Variants in CDK14 observed in about 807,000 individuals in gnomAD.
CDK14 encodes cyclin-dependent kinase 14.
Under a neutral mutation model 60.7 loss-of-function variants are expected in CDK14, and 34 were observed. That is an observed-to-expected ratio of 0.56 (90% CI 0.43 to 0.75). The LOEUF (loss-of-function observed/expected upper bound fraction) is 0.75. Ranked by LOEUF, CDK14 falls within the 30% of genes least tolerant of loss-of-function variation. The pLI, the probability that CDK14 is intolerant of heterozygous loss-of-function variation, is 0.00. For missense variants in CDK14, 482 were observed against 564.1 expected, an observed-to-expected ratio of 0.85 and a Z score of 1.47; for synonymous variants, 197 against 203.7, an observed-to-expected ratio of 0.97 and a Z score of 0.28.
At chr7:90,785,348 G>A (rs1463727623) in intron 4 of CDK14, among the ~76,000 whole-genome samples, 3 of 152,258 alleles carry the variant, frequency 2.0e-5, no homozygotes, top group Admixed American at 6.5e-5. Context: ...TGGAATAGAA[G>A]ACCTTTAGGC....
chr7:91,133,969 G>A (rs142156501), intron 14 of CDK14, among the ~76,000 whole-genome samples: 170 of 152,238 alleles, frequency 1.1e-3, no homozygotes, highest in Non-Finnish European at 2.0e-3. Flanking sequence ...AGAAATAGCA[G>A]TATCCAGATG....
intron 2 of CDK14, among the ~76,000 whole-genome samples, chr7:90,660,601 C>T (rs1800848573): frequency 6.6e-6 from 1 of 152,152 alleles, no homozygotes; most frequent in Non-Finnish European, 1.5e-5. Flanking sequence ...GACGAACTAA[C>T]AGATAAAATA....
At chr7:90,798,688 A>G (rs1311389085) in intron 5 of CDK14, among the ~76,000 whole-genome samples, 6 of 152,202 alleles carry the variant, frequency 3.9e-5, no homozygotes, top group Non-Finnish European at 7.3e-5. Context: ...TTTTCACCTC[A>G]AGTGGAAATA....
chr7:90,621,327 T>C (rs901924733), intron 2 of CDK14, among the ~76,000 whole-genome samples: 2 of 152,198 alleles, frequency 1.3e-5, no homozygotes, highest in African/African-American at 4.8e-5. Context: ...CCATGTGTCT[T>C]GTGTTCATGT....
At chr7:91,053,196 T>C (rs1360978661) in intron 11 of CDK14, among the ~76,000 whole-genome samples, 1 of 152,256 alleles carries the variant, frequency 6.6e-6, no homozygotes, top group Admixed American at 6.5e-5. Context: ...TATTATCTCA[T>C]TTGATAGTTA....
chr7:90,961,640 C>T (rs939439572), intron 9 of CDK14, among the ~76,000 whole-genome samples: 6 of 152,192 alleles, frequency 3.9e-5, no homozygotes, highest in African/African-American at 1.4e-4. Context: ...AATGTAACAC[C>T]TCTTTAAGAG....
intron 10 of CDK14, among the ~76,000 whole-genome samples, chr7:91,034,945 TACACACACAC>T (rs35003949): frequency 2.9e-4 from 43 of 146,094 alleles, no homozygotes; most frequent in East Asian, 1.2e-3. Context: ...CACATACACA[TACACACACAC>T]ACACACACAC....
chr7:90,969,829 T>G (rs1279592557), intron 9 of CDK14, among the ~76,000 whole-genome samples: 1 of 152,168 alleles, frequency 6.6e-6, no homozygotes, highest in Non-Finnish European at 1.5e-5. Context: ...CCTATTTATA[T>G]TTTTATACTA....
rs186003171 is a variant in CDK14 at position 90,663,649 on chromosome 7, C to T, written c.123+59400C>T. Among the ~76,000 whole-genome samples the T allele has an allele frequency of 8.2e-4, 125 of 152,292 alleles. 1 individual carries two copies. Among genetic ancestry groups the T allele is most frequent in the African/African-American group, 2.7e-3 (113 of 41,552 alleles). On this transcript the variant is annotated intron_variant, in intron 2 of 14. Transcript: ENST00000380050. ...GTGTCTCTCTCAAAATTCATTGCAA[C>T]CTTCAGTCACCTTTGGTTTTAATAA...
chr7:90,969,125 G>T (rs1794845067), intron 9 of CDK14, among the ~76,000 whole-genome samples: 1 of 152,148 alleles, frequency 6.6e-6, no homozygotes, highest in Non-Finnish European at 1.5e-5. Flanking sequence ...CAAAAAAATG[G>T]ACCCTGTTAA....
At chr7:90,696,339 T>TTCTTCTTCTTC (rs66902872) in intron 2 of CDK14, among the ~76,000 whole-genome samples, 6 of 59,638 alleles carry the variant, frequency 1.0e-4, no homozygotes, top group Admixed American at 3.9e-4. Context: ...TCTTCTTCTT[T>TTCTTCTTCTTC]TTTTTTTTTT....
At chr7:90,649,932 T>G (rs910639753) in intron 2 of CDK14, among the ~76,000 whole-genome samples, 1 of 152,164 alleles carries the variant, frequency 6.6e-6, no homozygotes, top group Non-Finnish European at 1.5e-5. Context: ...TATGCATGTG[T>G]CTTTATAGTA....
intron 4 of CDK14, among the ~76,000 whole-genome samples, chr7:90,756,355 T>A (rs890910723): frequency 1.3e-5 from 2 of 152,248 alleles, no homozygotes; most frequent in Non-Finnish European, 2.9e-5. Flanking sequence ...TTTCAAAATC[T>A]TGGAGATAGT....
At chr7:90,964,235 C>G (rs928583043) in intron 9 of CDK14, among the ~76,000 whole-genome samples, 1 of 152,096 alleles carries the variant, frequency 6.6e-6, no homozygotes, top group Non-Finnish European at 1.5e-5. Context: ...ACCCTTCCTT[C>G]GTGGCCTTCC....
At chr7:91,106,968 A>C (rs1799321919) in intron 12 of CDK14, among the ~76,000 whole-genome samples, 1 of 152,224 alleles carries the variant, frequency 6.6e-6, no homozygotes, top group African/African-American at 2.4e-5. Flanking sequence ...CATTCTACCA[A>C]GCAGCTCCAT....
At chr7:90,599,254 C>G (rs552907553) in intron 1 of CDK14, among the ~76,000 whole-genome samples, 1 of 152,196 alleles carries the variant, frequency 6.6e-6, no homozygotes, top group African/African-American at 2.4e-5. Flanking sequence ...AGTAAACGTT[C>G]AAGATATGTT....
Position 90,748,316 on chromosome 7 carries a change from C to T in CDK14, c.464+541C>T, listed in dbSNP as rs147063410. Reference sequence around the variant, plus strand: ...GTCTCCTCCTTTTCTTCTTTCTCTCCATTGCTCTCTGGGGGTCAGGGCACA... The same window carrying T: ...GTCTCCTCCTTTTCTTCTTTCTCTCTATTGCTCTCTGGGGGTCAGGGCACA... On this transcript the variant is annotated intron_variant, in intron 4 of 14. Coordinates refer to ENST00000380050, the MANE Select transcript of CDK14 (RefSeq NM_001287135.2). Among the ~76,000 whole-genome samples the T allele has an allele frequency of 3.5e-3, 529 of 152,188 alleles. 2 individuals are homozygous for T. Among genetic ancestry groups the T allele is most frequent in the Non-Finnish European group, 5.7e-3 (389 of 67,998 alleles).
intron 11 of CDK14, among the ~76,000 whole-genome samples, chr7:91,055,642 A>C (rs1309671778): frequency 6.6e-6 from 1 of 152,234 alleles, no homozygotes; most frequent in African/African-American, 2.4e-5. Flanking sequence ...GTTGATATAG[A>C]GGGCCAATCA....
chr7:90,938,430 A>G (rs1022945316), intron 8 of CDK14, among the ~76,000 whole-genome samples: 13 of 152,194 alleles, frequency 8.5e-5, no homozygotes, highest in African/African-American at 3.1e-4. Context: ...CCTCCTTAAA[A>G]GTCCAACTTG....
Sources: allele counts gnomAD v4.1 joint callset (sites outside exome capture counted in the v4.1 genomes callset), GRCh38; gene constraint gnomAD v4.1.1; transcripts MANE v1.5; gene names NCBI Gene and HGNC (gene_info 2026-07-23, HGNC 2026-07-21).